LRRC4C: variants seen among roughly 807,000 people sequenced by gnomAD.
LRRC4C encodes leucine rich repeat containing 4C.
Under a neutral mutation model 33.6 loss-of-function variants are expected in LRRC4C, and 5 were observed. That is an observed-to-expected ratio of 0.15 (90% CI 0.08 to 0.31). LRRC4C has a LOEUF of 0.31. Among genes scored for constraint, LRRC4C ranks in the 10% least tolerant of loss-of-function variants. The pLI is 1.00. For missense variants in LRRC4C, 560 were observed against 796.7 expected, an observed-to-expected ratio of 0.70 and a Z score of 3.58; for synonymous variants, 329 against 302.0, an observed-to-expected ratio of 1.09 and a Z score of -0.93.
chr11:40,168,972 C>A (rs1238796723), intron 5 of LRRC4C, among the ~76,000 whole-genome samples: 1 of 152,080 alleles, frequency 6.6e-6, no homozygotes, highest in African/African-American at 2.4e-5. Context: ...ATGTCCCAGT[C>A]TTTACTTTAG....
At chr11:40,391,528 A>G (rs945650916) in intron 3 of LRRC4C, among the ~76,000 whole-genome samples, 1 of 152,168 alleles carries the variant, frequency 6.6e-6, no homozygotes, top group African/African-American at 2.4e-5. Flanking sequence ...ATTGAGCCAA[A>G]GGTAAGCCAC....
intron 3 of LRRC4C, among the ~76,000 whole-genome samples, chr11:40,398,031 CTTA>C (rs1271669207): frequency 6.6e-6 from 1 of 151,706 alleles, no homozygotes; most frequent in East Asian, 1.9e-4. Context: ...TAAAAAGTAG[CTTA>C]TAATAGGAAA....
At chr11:41,020,027 A>G (rs1030554700) in intron 1 of LRRC4C, among the ~76,000 whole-genome samples, 3 of 152,074 alleles carry the variant, frequency 2.0e-5, no homozygotes, top group Non-Finnish European at 2.9e-5. Flanking sequence ...ATTAGATCCC[A>G]TTTGTCAATT....
At chr11:40,714,398 A>C (rs1179045108) in intron 2 of LRRC4C, among the ~76,000 whole-genome samples, 1 of 152,228 alleles carries the variant, frequency 6.6e-6, no homozygotes, top group African/African-American at 2.4e-5. Context: ...TTTCTTAATT[A>C]TCTCACAGCG....
chr11:40,460,178 A>G (rs1468799709), intron 3 of LRRC4C, among the ~76,000 whole-genome samples: 1 of 152,098 alleles, frequency 6.6e-6, no homozygotes, highest in Non-Finnish European at 1.5e-5. Flanking sequence ...AGCCACTTAA[A>G]TTGAGTTTTC....
intron 2 of LRRC4C, among the ~76,000 whole-genome samples, chr11:40,715,805 G>A (rs1358464135): frequency 1.3e-5 from 2 of 152,100 alleles, no homozygotes; most frequent in African/African-American, 4.8e-5. Context: ...CCGGCGGATC[G>A]CGTGAGGTCA....
chr11:41,306,278 A>T (rs1004078195), intron 1 of LRRC4C, among the ~76,000 whole-genome samples: 3 of 152,234 alleles, frequency 2.0e-5, no homozygotes, highest in African/African-American at 7.2e-5. Context: ...CTAGTTCTTA[A>T]GCTCACAGAA....
At chr11:40,323,186 A>G (rs1945937193) in intron 3 of LRRC4C, among the ~76,000 whole-genome samples, 1 of 152,226 alleles carries the variant, frequency 6.6e-6, no homozygotes, top group East Asian at 1.9e-4. Flanking sequence ...CGTTGTAACT[A>G]AAACAAATGA....
At chr11:40,615,263 T>TAC (rs1160517285) in intron 3 of LRRC4C, among the ~76,000 whole-genome samples, 22 of 50,302 alleles carry the variant, frequency 4.4e-4, no homozygotes, top group African/African-American at 8.3e-4. Flanking sequence ...TATATATATA[T>TAC]ATACACACAC....
chr11:40,420,330 C>A (rs1950478144), intron 3 of LRRC4C, among the ~76,000 whole-genome samples: 1 of 152,170 alleles, frequency 6.6e-6, no homozygotes, highest in Admixed American at 6.5e-5. Flanking sequence ...AGACAACAGA[C>A]CCCTCTGACA....
chr11:40,333,278 T>G (rs961645707), intron 3 of LRRC4C, among the ~76,000 whole-genome samples: 3 of 152,226 alleles, frequency 2.0e-5, no homozygotes, highest in Non-Finnish European at 2.9e-5. Context: ...ATTCATATTA[T>G]TTAATTATAC....
At chr11:40,749,653 A>C (rs1018621801) in intron 2 of LRRC4C, among the ~76,000 whole-genome samples, 9 of 151,836 alleles carry the variant, frequency 5.9e-5, no homozygotes, top group African/African-American at 2.2e-4. Context: ...GAGACTAAAA[A>C]AAAAAAGGAA....
chr11:40,631,363 G>A (rs1175637597), intron 3 of LRRC4C, among the ~76,000 whole-genome samples: 1 of 152,256 alleles, frequency 6.6e-6, no homozygotes, highest in Middle Eastern at 3.4e-3. Context: ...GATAGGGTGA[G>A]GGTGGTGCCC....
intron 3 of LRRC4C, among the ~76,000 whole-genome samples, chr11:40,537,726 T>C (rs1956534703): frequency 6.6e-6 from 1 of 151,928 alleles, no homozygotes; most frequent in Admixed American, 6.6e-5. Context: ...CAAAAACCCA[T>C]GATATATATA....
At chr11:40,751,043 A>C (rs1948666446) in intron 2 of LRRC4C, among the ~76,000 whole-genome samples, 1 of 152,030 alleles carries the variant, frequency 6.6e-6, no homozygotes, top group African/African-American at 2.4e-5. Context: ...TAGATGCCGA[A>C]AAACACAATT....
intron 3 of LRRC4C, among the ~76,000 whole-genome samples, chr11:40,543,692 T>A (rs12274029): frequency 0.11 from 16,244 of 152,078 alleles, 1,856 homozygotes; most frequent in African/African-American, 0.29. Flanking sequence ...CCAAAGTGAT[T>A]GCAAGTATAA....
At chr11:40,193,855 C>A (rs1862041821) in intron 5 of LRRC4C, among the ~76,000 whole-genome samples, 2 of 151,888 alleles carry the variant, frequency 1.3e-5, no homozygotes, top group East Asian at 1.9e-4. Flanking sequence ...GAAAGGATAT[C>A]CGAGATTGAA....
chr11:41,027,894 C>T (rs1456186499), intron 1 of LRRC4C, among the ~76,000 whole-genome samples: 1 of 151,560 alleles, frequency 6.6e-6, no homozygotes, highest in Non-Finnish European at 1.5e-5. Flanking sequence ...TCAAGTACCA[C>T]TGGAATGGTG....
At chr11:41,120,722 A>T (rs10837573) in intron 1 of LRRC4C, among the ~76,000 whole-genome samples, 30,029 of 152,052 alleles carry the variant, frequency 0.2, 3,528 homozygotes, top group East Asian at 0.37. Context: ...GCTAAGTGAT[A>T]TGGTTCTGTG....
Sources: gnomAD v4.1 joint callset for allele counts (sites outside exome capture counted in the v4.1 genomes callset) on GRCh38, gnomAD v4.1.1 for gene constraint, MANE v1.5 for transcripts, NCBI Gene and HGNC (gene_info 2026-07-23, HGNC 2026-07-21) for gene names.